Variants in PLAC8 observed in about 807,000 individuals in gnomAD.
PLAC8 encodes placenta associated 8.
In PLAC8, 6 loss-of-function variants were observed where a neutral mutation model predicts 12.6. The observed-to-expected ratio is 0.48, with a 90% CI of 0.26 to 0.94. The LOEUF is 0.94. Among genes scored for constraint, PLAC8 ranks in the 40% least tolerant of loss-of-function variants. The pLI is 0.14. For synonymous variants in PLAC8, 54 were observed against 52.6 expected (o/e 1.03, Z -0.11); for missense variants, 122 against 152.7 (o/e 0.80, Z 1.06).
rs1391536491 is a variant in PLAC8 at position 83,112,188 on chromosome 4, T to TTATATATA, written c.-30+2470_-30+2477dup. Among the ~76,000 whole-genome samples the TTATATATA allele has an allele frequency of 1.3e-4, 13 of 96,490 alleles. 1 individual carries two copies. The highest frequency in any genetic ancestry group is 5.9e-4 in the African/African-American group (12 of 20,326). 63.3% of individuals were successfully genotyped at this position (96,490 alleles called of 152,430 possible). On this transcript the variant is annotated intron_variant, in intron 1 of 4. Coordinates refer to ENST00000311507, the MANE Select transcript of PLAC8 (RefSeq NM_016619.3). ...GACTCCGTCTCAAAAAAAAAAAAAT[T>TTATATATA]TATATATATATATATGTATATATAT... is the stretch of plus-strand genomic sequence containing the variant.
chr4:83,106,308 T>C (rs1732239553), intron 2 of PLAC8, among the ~76,000 whole-genome samples: 1 of 151,858 alleles, frequency 6.6e-6, no homozygotes, highest in South Asian at 2.1e-4. Flanking sequence ...CTGATTGTAA[T>C]TCTTATCACA....
rs139169502 is a variant in PLAC8 at position 83,110,977 on chromosome 4, G to T, written c.-29-3027C>A. 3.2e-4 allele frequency among the ~76,000 whole-genome samples: 49 copies of T among 152,260 alleles called. No homozygotes were observed. The East Asian group carries it at 9.2e-3, about 29-fold the overall frequency. ...GGCTGATAGACTTTTTGTTGTTGTTGTTTTGTGATAAGGTCTCTTTGTTGT... is the reference window on the plus strand; with the variant it reads ...GGCTGATAGACTTTTTGTTGTTGTTTTTTTGTGATAAGGTCTCTTTGTTGT... On this transcript the variant is annotated intron_variant, in intron 1 of 4. Transcript: ENST00000311507.
At chr4:83,101,919 T>A (rs566368854) in intron 3 of PLAC8, among the ~76,000 whole-genome samples, 1 of 152,322 alleles carries the variant, frequency 6.6e-6, no homozygotes, top group Non-Finnish European at 1.5e-5. Flanking sequence ...TTACCAAATA[T>A]TAAGCCCACA....
intron 3 of PLAC8, among the ~76,000 whole-genome samples, chr4:83,104,255 T>A (rs111837135): frequency 6.6e-6 from 1 of 152,236 alleles, no homozygotes; most frequent in African/African-American, 2.4e-5. Context: ...AAAATTCATG[T>A]GACTTGCTTT....
chr4:83,105,541 T>A (rs1732214413), intron 2 of PLAC8, among the ~76,000 whole-genome samples: 1 of 152,230 alleles, frequency 6.6e-6, no homozygotes, highest in Non-Finnish European at 1.5e-5. Flanking sequence ...TGGCAAAGGC[T>A]AGTGTTCATT....
At chr4:83,092,582 C>T in intron 4 of PLAC8, among the ~76,000 whole-genome samples, 1 of 151,852 alleles carries the variant, frequency 6.6e-6, no homozygotes, top group East Asian at 1.9e-4. Flanking sequence ...TCATTTACTT[C>T]AAGCCTGCAA....
chr4:83,094,557 C>CT (rs1731880699), intron 4 of PLAC8, 121 bp downstream of exon 4: 1 of 627,670 alleles, frequency 1.6e-6, no homozygotes, highest in Admixed American at 3.4e-5. Context: ...TATGATAGCA[C>CT]TTCAGGAGAC....
At chr4:83,112,204 GTATATATATATA>G (rs754066888) in intron 1 of PLAC8, among the ~76,000 whole-genome samples, 13 of 128,670 alleles carry the variant, frequency 1.0e-4, no homozygotes, top group Admixed American at 2.2e-4. Flanking sequence ...ATATATATAT[GTATATATATATA>G]TGTATATATA....
intron 3 of PLAC8, among the ~76,000 whole-genome samples, chr4:83,102,228 A>G (rs1732116350): frequency 6.6e-6 from 1 of 152,180 alleles, no homozygotes; most frequent in South Asian, 2.1e-4. Flanking sequence ...TTTAGGTTTC[A>G]TTAAGAACAT....
intron 1 of PLAC8, among the ~76,000 whole-genome samples, chr4:83,109,540 C>T (rs541702834): frequency 6.6e-6 from 1 of 152,282 alleles, no homozygotes; most frequent in South Asian, 2.1e-4. Flanking sequence ...GTGGAGGAGC[C>T]CCTGTTGAGG....
At chr4:83,100,259 T>C (rs77894054) in intron 3 of PLAC8, among the ~76,000 whole-genome samples, 195 of 143,206 alleles carry the variant, frequency 1.4e-3, no homozygotes, top group Middle Eastern at 3.6e-3. Context: ...CCAGCCTGGG[T>C]GACAGAGCGA....
At chr4:83,107,019 G>A (rs1020244443) in intron 2 of PLAC8, among the ~76,000 whole-genome samples, 1 of 152,158 alleles carries the variant, frequency 6.6e-6, no homozygotes, top group African/African-American at 2.4e-5. Context: ...GGCCAACATG[G>A]TGAAACCTTG....
Position 83,107,801 on chromosome 4 carries a change from T to TTCCCC in PLAC8, c.118+2_118+3insGGGGA. 1.3e-6 allele frequency: 2 copies of TTCCCC among 1,591,028 alleles called. No homozygotes were observed. ...TAAGGGGGTTCTTTCCCCACACACTTACAGACTCCGCAGTCGCTGAAACAG... is the reference window on the plus strand; with the variant it reads ...TAAGGGGGTTCTTTCCCCACACACTTTCCCCACAGACTCCGCAGTCGCTGAAACAG... On this transcript the variant is annotated splice_region_variant and intron_variant, in intron 2 of 4. Coordinates refer to ENST00000311507, the MANE Select transcript of PLAC8 (RefSeq NM_016619.3).
chr4:83,096,959 GCA>G (rs1731948459), intron 3 of PLAC8, among the ~76,000 whole-genome samples: 1 of 152,196 alleles, frequency 6.6e-6, no homozygotes, highest in Non-Finnish European at 1.5e-5. Context: ...GCAATGAAAT[GCA>G]CAGTCAGTAA....
At chr4:83,103,692 A>G (rs1274939513) in intron 3 of PLAC8, among the ~76,000 whole-genome samples, 2 of 152,180 alleles carry the variant, frequency 1.3e-5, no homozygotes, top group East Asian at 3.9e-4. Flanking sequence ...TTTGTTTGAG[A>G]TGGAGTCTTG....
chr4:83,106,729 A>G (rs945864145), intron 2 of PLAC8, among the ~76,000 whole-genome samples: 3 of 152,224 alleles, frequency 2.0e-5, no homozygotes, highest in Non-Finnish European at 4.4e-5. Flanking sequence ...ATGTGGACCA[A>G]GACAAGCAAA....
rs1024272258 is a variant in PLAC8, at chr4:83,102,496, G to A, written c.243+2400C>T. Among the ~76,000 whole-genome samples the A allele has an allele frequency of 2.6e-5, 4 of 152,174 alleles. No homozygotes were observed. The East Asian group carries it at 5.8e-4, about 22-fold the overall frequency. The stretch of plus-strand genomic sequence containing the variant: ...GAAGGCTGCAGTGAGCCGAGACGGC[G>A]CCACTGCACTCCAGCCTGGGTGACA... On this transcript the variant is annotated intron_variant, in intron 3 of 4. Coordinates refer to ENST00000311507, the MANE Select transcript of PLAC8 (RefSeq NM_016619.3).
chr4:83,103,396 CAAAGAAAGAAAG>C (rs375025864), intron 3 of PLAC8, among the ~76,000 whole-genome samples: 26 of 151,474 alleles, frequency 1.7e-4, no homozygotes, highest in Non-Finnish European at 3.5e-4. Context: ...TCCATCTCAA[CAAAGAAAGAAAG>C]AAAGAAAGAA....
chr4:83,093,372 G>A (rs1731852650), intron 4 of PLAC8: 3 of 152,224 alleles, frequency 2.0e-5, no homozygotes, highest in Admixed American at 2.0e-4. Context: ...TTTCAGGGCA[G>A]GCCTCTTCAC....
Sources: allele counts gnomAD v4.1 joint callset (sites outside exome capture counted in the v4.1 genomes callset), GRCh38; gene constraint gnomAD v4.1.1; transcripts MANE v1.5; gene names NCBI Gene and HGNC (gene_info 2026-07-23, HGNC 2026-07-21).